The following TLN2 variants were observed in gnomAD, a reference collection of about 807,000 sequenced individuals.
The protein encoded by TLN2 is talin 2.
TLN2 carries 118 observed loss-of-function variants against 294.7 expected under a neutral mutation model. That is an observed-to-expected ratio of 0.40 (90% CI 0.34 to 0.47). The LOEUF is 0.47. Ranked by LOEUF, TLN2 falls within the 20% of genes least tolerant of loss-of-function variation. The pLI is 0.84. For missense variants in TLN2, 3,083 were observed against 3,282.2 expected (o/e 0.94, Z 1.48); for synonymous variants, 1,431 against 1,304.5 (o/e 1.10, Z -2.09).
chr15:62,546,016 G>A (rs531927828), intron 1 of TLN2, among the ~76,000 whole-genome samples: 68 of 152,272 alleles, frequency 4.5e-4, no homozygotes, highest in Non-Finnish European at 7.8e-4. Flanking sequence ...TTCAGGACAT[G>A]AGGTGGGGCT....
intron 54 of TLN2, among the ~76,000 whole-genome samples, chr15:62,825,767 A>G (rs1387561301): frequency 5.5e-5 from 2 of 36,448 alleles, no homozygotes; most frequent in East Asian, 5.8e-4. Flanking sequence ...TTATAATTAT[A>G]TATTATATAA....
chr15:62,705,971 G>C (rs2059035849), intron 19 of TLN2, among the ~76,000 whole-genome samples: 1 of 152,208 alleles, frequency 6.6e-6, no homozygotes, highest in Non-Finnish European at 1.5e-5. Flanking sequence ...GGTTTAGCTG[G>C]ATTGTATCTA....
intron 1 of TLN2, among the ~76,000 whole-genome samples, chr15:62,483,052 C>G (rs905794863): frequency 6.6e-6 from 1 of 152,222 alleles, no homozygotes; most frequent in African/African-American, 2.4e-5. Context: ...GCCTGTCTTC[C>G]TTGCCCAGTT....
At chr15:62,589,522 C>T (rs2045923377) in intron 1 of TLN2, among the ~76,000 whole-genome samples, 165 bp from the exon 2 acceptor site, 1 of 152,158 alleles carries the variant, frequency 6.6e-6, no homozygotes, top group Non-Finnish European at 1.5e-5. Context: ...GACCTGAATT[C>T]CCTGTGGGTA....
chr15:62,461,767 T>G (rs540204475), intron 1 of TLN2, among the ~76,000 whole-genome samples: 1 of 152,282 alleles, frequency 6.6e-6, no homozygotes, highest in South Asian at 2.1e-4. Context: ...GCCTACTCCA[T>G]GCGAGGGGAA....
chr15:62,532,316 C>G (rs536533337), intron 1 of TLN2, among the ~76,000 whole-genome samples: 1 of 152,084 alleles, frequency 6.6e-6, no homozygotes, highest in African/African-American at 2.4e-5. Flanking sequence ...AGGCTAGTCT[C>G]GAACTCCTGG....
intron 32 of TLN2, among the ~76,000 whole-genome samples, chr15:62,741,016 C>T (rs1244467218): frequency 6.6e-6 from 1 of 152,138 alleles, no homozygotes. Flanking sequence ...CTTGTTTAGA[C>T]GTAAGGTCCA....
intron 9 of TLN2, among the ~76,000 whole-genome samples, chr15:62,660,757 T>A (rs1010600569): frequency 2.6e-5 from 4 of 152,322 alleles, no homozygotes; most frequent in Admixed American, 6.5e-5. Context: ...CTTGCAGATG[T>A]GTTTTATTGT....
At chr15:62,808,142 G>A (rs573121125) in intron 51 of TLN2, among the ~76,000 whole-genome samples, 1 of 152,276 alleles carries the variant, frequency 6.6e-6, no homozygotes, top group South Asian at 2.1e-4. Context: ...AGAATGGAAG[G>A]ATTACTGCAG....
chr15:62,450,448 A>T (rs1236396077), intron 1 of TLN2, among the ~76,000 whole-genome samples: 2 of 95,896 alleles, frequency 2.1e-5, no homozygotes, highest in Admixed American at 2.6e-4. Context: ...ACAGTTGGGG[A>T]TTCAGCTTTT....
chr15:62,528,241 G>C (rs28549270), intron 1 of TLN2, among the ~76,000 whole-genome samples: 2,136 of 152,230 alleles, frequency 0.014, 56 homozygotes, highest in African/African-American at 0.049. Flanking sequence ...ATCATTTCCT[G>C]TATTTGTCAT....
At chr15:62,689,067 TC>T (rs1327377003) in intron 12 of TLN2, among the ~76,000 whole-genome samples, 66 of 143,320 alleles carry the variant, frequency 4.6e-4, no homozygotes, top group South Asian at 2.6e-3. Flanking sequence ...TTTCTCTCTC[TC>T]TTTTTTTTTT....
intron 1 of TLN2, among the ~76,000 whole-genome samples, chr15:62,451,361 A>C (rs2140321578): frequency 6.6e-6 from 1 of 152,242 alleles, no homozygotes; most frequent in East Asian, 1.9e-4. Context: ...TGGATTCTTA[A>C]GAGGGGTTGG....
At chr15:62,525,405 T>G (rs973167196) in intron 1 of TLN2, among the ~76,000 whole-genome samples, 2 of 152,228 alleles carry the variant, frequency 1.3e-5, no homozygotes, top group Non-Finnish European at 2.9e-5. Flanking sequence ...TTCTGAAATT[T>G]ATTGAATACA....
chr15:62,400,921 T>A (rs2032972685), intron 1 of TLN2, among the ~76,000 whole-genome samples: 1 of 151,026 alleles, frequency 6.6e-6, no homozygotes, highest in Admixed American at 6.6e-5. Flanking sequence ...GTTCAAGCCG[T>A]TGTCCTGCCT....
intron 1 of TLN2, among the ~76,000 whole-genome samples, chr15:62,578,532 C>T (rs933074081): frequency 6.6e-6 from 1 of 152,108 alleles, no homozygotes; most frequent in African/African-American, 2.4e-5. Context: ...CGCCACTGCA[C>T]CCCAGCCTGG....
At chr15:62,431,209 C>G (rs542003703) in intron 1 of TLN2, among the ~76,000 whole-genome samples, 3 of 152,116 alleles carry the variant, frequency 2.0e-5, no homozygotes, top group Non-Finnish European at 4.4e-5. Flanking sequence ...CACAAGCCTG[C>G]TGGAGCATGT....
intron 1 of TLN2, among the ~76,000 whole-genome samples, chr15:62,573,189 C>G (rs1307291953): frequency 6.6e-6 from 1 of 152,166 alleles, no homozygotes. Flanking sequence ...CCACCTTGAT[C>G]ACACCCCTCA....
chr15:62,419,100 A>G (rs1301056047), intron 1 of TLN2, among the ~76,000 whole-genome samples: 1 of 152,248 alleles, frequency 6.6e-6, no homozygotes, highest in African/African-American at 2.4e-5. Flanking sequence ...TCAGATTGAG[A>G]TATGTGCTGT....
Sources: allele counts gnomAD v4.1 joint callset (sites outside exome capture counted in the v4.1 genomes callset), GRCh38; gene constraint gnomAD v4.1.1; transcripts MANE v1.5; gene names NCBI Gene and HGNC (gene_info 2026-07-23, HGNC 2026-07-21).